Variants in TYW1 observed in about 807,000 individuals in gnomAD.
The protein encoded by TYW1 is tRNA-yW synthesizing protein 1 homolog, also known as S-adenosyl-L-methionine-dependent tRNA 4-demethylwyosine synthase TYW1.
In TYW1, 46 loss-of-function variants were observed where a neutral mutation model predicts 96.2. The ratio of observed to expected loss-of-function variants is 0.48; its 90% CI spans 0.38 to 0.61. The LOEUF is 0.61. Among genes scored for constraint, TYW1 ranks in the 20% least tolerant of loss-of-function variants. TYW1 has a pLI of 0.00. For missense variants in TYW1, 684 were observed against 909.6 expected (o/e 0.75, Z 3.19); for synonymous variants, 274 against 323.0 (o/e 0.85, Z 1.63).
rs550837261 is a variant in TYW1 at position 67,172,300 on chromosome 7, C to T, written c.1699-10826C>T. Among the ~76,000 whole-genome samples the T allele has an allele frequency of 6.9e-4, 105 of 151,772 alleles. 2 individuals carry two copies. Among genetic ancestry groups the T allele is most frequent in the South Asian group, 3.8e-3 (18 of 4,780 alleles). On this transcript the variant is annotated intron_variant, in intron 13 of 15. Coordinates refer to ENST00000359626, the MANE Select transcript of TYW1 (RefSeq NM_018264.4). ...ACTTATTAAAGTCAATGTAAATTAA[C>T]GTTTATATCATTTTATAAGCAATAG...
chr7:67,017,181 C>T (rs1286912045), intron 5 of TYW1, among the ~76,000 whole-genome samples: 2 of 152,020 alleles, frequency 1.3e-5, no homozygotes, highest in African/African-American at 4.8e-5. Context: ...TGGGGTCTCA[C>T]CGTGTTGGCC....
At chr7:67,212,815 A>G (rs1801079925) in intron 15 of TYW1, among the ~76,000 whole-genome samples, 1 of 152,072 alleles carries the variant, frequency 6.6e-6, no homozygotes, top group African/African-American at 2.4e-5. Context: ...ATTTTGTATT[A>G]TGATGTGTCT....
intron 12 of TYW1, among the ~76,000 whole-genome samples, chr7:67,106,605 G>A (rs913363972): frequency 1.3e-5 from 2 of 152,162 alleles, no homozygotes; most frequent in Non-Finnish European, 2.9e-5. Flanking sequence ...GTGGACATTT[G>A]AATCCTGTAA....
chr7:67,182,088 C>G (rs1458230405), intron 13 of TYW1, among the ~76,000 whole-genome samples: 2 of 152,194 alleles, frequency 1.3e-5, no homozygotes, highest in South Asian at 4.1e-4. Flanking sequence ...CTCGGCCTCC[C>G]AAAGTGCTGG....
chr7:67,061,499 A>G (rs1259013011), intron 9 of TYW1, among the ~76,000 whole-genome samples: 1 of 152,218 alleles, frequency 6.6e-6, no homozygotes, highest in Non-Finnish European at 1.5e-5. Context: ...AAACCAGGGC[A>G]GATTTTAGAT....
chr7:67,145,066 T>TTTTTTGAGACGGAG (rs1245413235), intron 13 of TYW1, among the ~76,000 whole-genome samples: 1 of 148,562 alleles, frequency 6.7e-6, no homozygotes, highest in African/African-American at 2.5e-5. Flanking sequence ...TTTTTTTGTT[T>TTTTTTGAGACGGAG]TCAGTTGTTA....
At chr7:67,075,411 A>C (rs781250401) in intron 10 of TYW1, among the ~76,000 whole-genome samples, 1 of 152,242 alleles carries the variant, frequency 6.6e-6, no homozygotes, top group Non-Finnish European at 1.5e-5. Context: ...ACAGTTCTCC[A>C]AAGAAGATAT....
intron 1 of TYW1, 91 bp downstream of exon 1, chr7:66,997,073 C>A: frequency 1.3e-6 from 2 of 1,591,984 alleles, no homozygotes; most frequent in Non-Finnish European, 1.7e-6. Flanking sequence ...CGTCCTCGGT[C>A]CCTTTCCTTC....
chr7:67,061,721 A>G (rs186149759), intron 9 of TYW1, among the ~76,000 whole-genome samples: 222 of 152,386 alleles, frequency 1.5e-3, no homozygotes, highest in Middle Eastern at 6.8e-3. Context: ...ATAAATAAAA[A>G]TAAGAATACT....
intron 14 of TYW1, among the ~76,000 whole-genome samples, chr7:67,190,302 T>C (rs1190701224): frequency 1.3e-5 from 2 of 152,244 alleles, no homozygotes. Context: ...AATGAAATTT[T>C]GTACTAGATT....
chr7:67,127,391 C>A (rs10274580), intron 13 of TYW1, among the ~76,000 whole-genome samples: 36,852 of 151,746 alleles, frequency 0.24, 4,762 homozygotes, highest in African/African-American at 0.32. Flanking sequence ...AACTCCTGAC[C>A]TCAAGTGATC....
chr7:67,158,797 T>A (rs187421354), intron 13 of TYW1, among the ~76,000 whole-genome samples: 1 of 152,180 alleles, frequency 6.6e-6, no homozygotes. Flanking sequence ...GGTCTCGATC[T>A]CCTGACCTCG....
Position 67,050,034 on chromosome 7 carries a change from C to T in TYW1, c.1070C>T (p.Thr357Ile), listed in dbSNP as rs1318604383. 6.2e-7 allele frequency: 1 copy of T among 1,613,872 alleles called. No homozygotes were observed. Among genetic ancestry groups the T allele is most frequent in the Non-Finnish European group, 8.5e-7 (1 of 1,179,974 alleles). Reference protein sequence around the residue: ...NEDGERRAMITPALREALTKQ... With the variant: ...NEDGERRAMIIPALREALTKQ... ...GATGGTGAAAGAAGAGCTATGATAA[C>T]TCCTGCTCTCCGAGAAGCCCTTACT... The change falls in exon 8 of 16, where the codon ACT becomes ATT. Residue 357 changes from threonine (T) to isoleucine (I), a missense_variant. Transcript: ENST00000359626.
Position 67,233,391 on chromosome 7 carries a change from A to G in TYW1, c.1978-4917A>G, listed in dbSNP as rs376864328. On this transcript the variant is annotated intron_variant, in intron 15 of 15. Coordinates refer to ENST00000359626, the MANE Select transcript of TYW1 (RefSeq NM_018264.4). ...TGAAAGAGGAGAACATAAGGAGAAC[A>G]AGGCCCTTTGTACAGCAGTTTGATT... Among the ~76,000 whole-genome samples, 16 of 135,936 alleles carry G rather than the reference A, an allele frequency of 1.2e-4. 3 individuals are homozygous for G. The East Asian group carries it at 2.0e-3, about 17-fold the overall frequency. 89.2% of individuals were successfully genotyped at this position (135,936 alleles called of 152,430 possible).
chr7:67,233,952 A>G (rs1473983751), intron 15 of TYW1, among the ~76,000 whole-genome samples: 1 of 135,518 alleles, frequency 7.4e-6, no homozygotes, highest in Non-Finnish European at 1.6e-5. Flanking sequence ...CCTAACTCCC[A>G]GCGTGGCTAT....
At chr7:67,110,750 T>A (rs1171431273) in intron 12 of TYW1, among the ~76,000 whole-genome samples, 1 of 152,150 alleles carries the variant, frequency 6.6e-6, no homozygotes, top group Non-Finnish European at 1.5e-5. Flanking sequence ...ATGTCTGTCA[T>A]TGCTTGAACT....
intron 13 of TYW1, among the ~76,000 whole-genome samples, chr7:67,132,946 C>CA (rs1798128959): frequency 6.6e-6 from 1 of 152,104 alleles, no homozygotes; most frequent in Admixed American, 6.5e-5. Context: ...TCTTTGTGCA[C>CA]ATGTGCAATA....
chr7:67,056,396 G>T (rs961567029), intron 9 of TYW1, among the ~76,000 whole-genome samples: 8 of 151,722 alleles, frequency 5.3e-5, no homozygotes, highest in African/African-American at 1.9e-4. Context: ...GGAGGCTGAG[G>T]CAGGAGAATC....
At chr7:67,052,579 C>A (rs1443945303) in intron 8 of TYW1, among the ~76,000 whole-genome samples, 2 of 152,140 alleles carry the variant, frequency 1.3e-5, no homozygotes, top group Non-Finnish European at 2.9e-5. Context: ...ATGTCCTAAT[C>A]TGCTAATGTC....
Sources: allele counts gnomAD v4.1 joint callset (sites outside exome capture counted in the v4.1 genomes callset), GRCh38; gene constraint gnomAD v4.1.1; transcripts MANE v1.5; gene names NCBI Gene and HGNC (gene_info 2026-07-23, HGNC 2026-07-21).